Variants in PABPC4L observed in about 807,000 individuals in gnomAD.
The protein encoded by PABPC4L is polyadenylate-binding protein 4-like.
For synonymous variants in PABPC4L, 169 were observed against 164.1 expected, an observed-to-expected ratio of 1.03 and a Z score of -0.23; for missense variants, 452 against 451.4, an observed-to-expected ratio of 1.00 and a Z score of -0.01.
chr4:134,170,233 T>G, the PABPC4L span, among the ~76,000 whole-genome samples: 1 of 152,152 alleles, frequency 6.6e-6, no homozygotes, highest in East Asian at 1.9e-4. Flanking sequence ...AAGGACATGA[T>G]CTCATTATTT....
At chr4:133,971,651 C>T in the PABPC4L span, among the ~76,000 whole-genome samples, 1 of 152,150 alleles carries the variant, frequency 6.6e-6, no homozygotes, top group Non-Finnish European at 1.5e-5. Flanking sequence ...CTATCTATAT[C>T]CATGATTTAA....
At chr4:134,105,247 G>A in the PABPC4L span, among the ~76,000 whole-genome samples, 10 of 151,418 alleles carry the variant, frequency 6.6e-5, no homozygotes, top group Non-Finnish European at 1.2e-4. Context: ...TTACAGTGAC[G>A]TACACACTTC....
At chr4:134,101,225 C>T in the PABPC4L span, among the ~76,000 whole-genome samples, 5 of 151,428 alleles carry the variant, frequency 3.3e-5, no homozygotes, top group African/African-American at 1.2e-4. Flanking sequence ...GATGGAGGCG[C>T]ATTTAACTTA....
the PABPC4L span, among the ~76,000 whole-genome samples, chr4:134,166,801 C>T: frequency 6.6e-6 from 1 of 152,100 alleles, no homozygotes; most frequent in African/African-American, 2.4e-5. Flanking sequence ...AACTTAAAAC[C>T]CTTTAGTGTT....
chr4:133,979,740 T>TA, the PABPC4L span, among the ~76,000 whole-genome samples: 2 of 152,212 alleles, frequency 1.3e-5, no homozygotes, highest in Non-Finnish European at 2.9e-5. Flanking sequence ...TGTGACTGTC[T>TA]AAAATCTATG....
downstream of PABPC4L, among the ~76,000 whole-genome samples, chr4:134,195,754 A>G (rs1426708275): frequency 1.3e-5 from 2 of 151,648 alleles, no homozygotes; most frequent in Non-Finnish European, 3.0e-5. Context: ...CCAAAATATG[A>G]CAAGACCATG....
the PABPC4L span, among the ~76,000 whole-genome samples, chr4:134,190,672 G>A: frequency 1.3e-5 from 2 of 151,970 alleles, no homozygotes; most frequent in African/African-American, 4.8e-5. Context: ...AATATCTGGA[G>A]ACAGAGTCTC....
the PABPC4L span, among the ~76,000 whole-genome samples, chr4:134,036,172 A>T: frequency 1.3e-5 from 2 of 152,222 alleles, no homozygotes; most frequent in South Asian, 4.1e-4. Flanking sequence ...AAGTTTCTCA[A>T]TGTGCTTTCC....
At chr4:133,978,945 C>A in the PABPC4L span, 4 of 152,058 alleles carry the variant, frequency 2.6e-5, no homozygotes, top group Non-Finnish European at 5.9e-5. Flanking sequence ...TATAAACCAG[C>A]AGCAAACATT....
the PABPC4L span, among the ~76,000 whole-genome samples, chr4:133,996,705 C>G: frequency 3.9e-5 from 6 of 152,190 alleles, no homozygotes; most frequent in South Asian, 1.2e-3. Flanking sequence ...AGAAGTATGC[C>G]GACACAGGTA....
the PABPC4L span, among the ~76,000 whole-genome samples, chr4:134,108,049 T>C: frequency 1.3e-5 from 2 of 151,544 alleles, no homozygotes; most frequent in Admixed American, 1.3e-4. Flanking sequence ...TTATAGAAAT[T>C]TGAAGTCCAT....
the PABPC4L span, among the ~76,000 whole-genome samples, chr4:134,130,052 G>A: frequency 4.2e-5 from 6 of 142,844 alleles, no homozygotes; most frequent in Admixed American, 7.0e-5. Flanking sequence ...GTGACAGAGC[G>A]AGACTCTGTT....
chr4:134,023,930 A>G, the PABPC4L span, among the ~76,000 whole-genome samples: 1 of 152,178 alleles, frequency 6.6e-6, no homozygotes, highest in African/African-American at 2.4e-5. Context: ...AAAAAAACTT[A>G]TAAATCTAAA....
At chr4:134,184,548 C>T in the PABPC4L span, among the ~76,000 whole-genome samples, 2 of 151,948 alleles carry the variant, frequency 1.3e-5, no homozygotes, top group Admixed American at 1.3e-4. Context: ...ATTTAAGATT[C>T]CTCCATATCT....
In PABPC4L at chr4:134,200,641, A is replaced by T. The variant is rs1322204195; in HGVS notation, c.379T>A (p.Ser127Thr). ...CCTTGATCATCACTCATCACCTTGG[A>T]GGAAAGGATCTTTCCAAAAGCTGAA... ...HFSAFGKILS[S>T]KVMSDDQGSK... Residue 127 changes from serine (S) to threonine (T), a missense_variant, in exon 2 of 2, where the codon TCC becomes ACC. Transcript: ENST00000421491. 2 of 1,551,666 alleles carry T rather than the reference A, an allele frequency of 1.3e-6. No individual in the cohort carries two copies. The highest frequency in any genetic ancestry group is 1.7e-6 in the Non-Finnish European group (2 of 1,146,976).
the PABPC4L span, among the ~76,000 whole-genome samples, chr4:134,076,586 G>C: frequency 2.6e-5 from 4 of 152,108 alleles, no homozygotes; most frequent in Non-Finnish European, 5.9e-5. Flanking sequence ...TGAGTAACTA[G>C]TGGTACCATT....
the PABPC4L span, among the ~76,000 whole-genome samples, chr4:134,007,167 A>C: frequency 6.6e-6 from 1 of 152,004 alleles, no homozygotes; most frequent in African/African-American, 2.4e-5. Flanking sequence ...GGAATCGAGG[A>C]AAGACTAAGC....
chr4:134,070,690 G>A, the PABPC4L span, among the ~76,000 whole-genome samples: 2 of 152,034 alleles, frequency 1.3e-5, no homozygotes, highest in East Asian at 1.9e-4. Context: ...AGGTGAACTG[G>A]TACATGTTGG....
chr4:134,000,757 C>G, the PABPC4L span, among the ~76,000 whole-genome samples: 3 of 152,096 alleles, frequency 2.0e-5, no homozygotes, highest in Non-Finnish European at 4.4e-5. Flanking sequence ...GACTCCACCC[C>G]TCTCTGCCTA....
Sources: gnomAD v4.1 joint callset for allele counts (sites outside exome capture counted in the v4.1 genomes callset) on GRCh38, gnomAD v4.1.1 for gene constraint, MANE v1.5 for transcripts, NCBI Gene and HGNC (gene_info 2026-07-23, HGNC 2026-07-21) for gene names.